The following CHID1 variants were observed in gnomAD, a reference collection of about 807,000 sequenced individuals.
CHID1 encodes the protein chitinase domain-containing protein 1.
CHID1 carries 44 observed loss-of-function variants against 55.4 expected under a neutral mutation model. That is an observed-to-expected ratio of 0.79 (90% CI 0.62 to 1.02). The LOEUF is 1.02. Among genes scored for constraint, CHID1 ranks in the 50% least tolerant of loss-of-function variants. The probability of loss-of-function intolerance (pLI) is 0.00; values close to 1 mark genes in which losing one functional copy is unlikely to be tolerated. For synonymous variants in CHID1, 216 were observed against 212.9 expected (o/e 1.01, Z -0.13); for missense variants, 491 against 515.3 (o/e 0.95, Z 0.46).
chr11:883,908 A>C (rs377524814), intron 9 of CHID1, among the ~76,000 whole-genome samples, 160 bp downstream of exon 9: 12 of 152,192 alleles, frequency 7.9e-5, no homozygotes, highest in Non-Finnish European at 1.8e-4. Context: ...GTGCAGTCCC[A>C]CTGGCTTCCC....
Position 875,591 on chromosome 11 carries a change from C to T in CHID1, c.960-5092G>A, listed in dbSNP as rs932632664. Among the ~76,000 whole-genome samples, 2 of 152,246 alleles carry T rather than the reference C, an allele frequency of 1.3e-5. No individual in the cohort carries two copies. Among genetic ancestry groups the T allele is most frequent in the South Asian group, 2.1e-4 (1 of 4,828 alleles). ...ACACGGTGAGCATGAGGCCGGGGAT[C>T]GGGGCTGGGGTTGCTGAAACTCTTA... On this transcript the variant is annotated intron_variant, in intron 10 of 12. Coordinates refer to ENST00000323578, the MANE Select transcript of CHID1 (RefSeq NM_023947.4). The surrounding 1 kb of genome is among the most constrained non-coding windows in gnomAD (Gnocchi z 4.7).
At position 902,289 on chromosome 11, in the gene CHID1, G is replaced by C; in HGVS notation, c.303C>G (p.Ser101Arg). The C allele has an allele frequency of 6.2e-7, 1 of 1,613,898 alleles. No homozygotes were observed. The highest frequency in any genetic ancestry group is 8.5e-7 in the Non-Finnish European group (1 of 1,179,880). The change falls in exon 4 of 13, where the codon AGC (serine) becomes AGG (arginine). Residue 101 changes from serine to arginine, a missense_variant. Transcript: ENST00000323578. ...HGYDVTKVFG[S>R]KFTQISPVWL... ...AGACGGGTGAGATCTGTGTGAACTT[G>C]CTCCCAAAGACCTTGGTGACATCGT...
At chr11:900,189 G>T in intron 5 of CHID1, 79 bp from the exon 6 acceptor site, 1 of 1,158,596 alleles carries the variant, frequency 8.6e-7, no homozygotes, top group Non-Finnish European at 1.3e-6. Context: ...CCTCAAAAAG[G>T]CATCCCCTTG....
At chr11:871,689 T>C (rs146449035) in intron 10 of CHID1, among the ~76,000 whole-genome samples, 15 of 152,182 alleles carry the variant, frequency 9.9e-5, no homozygotes, top group African/African-American at 3.6e-4. Flanking sequence ...CCGGGTGCCA[T>C]GTGGGAGGGG....
At chr11:905,256 C>A (rs1435032457) in intron 1 of CHID1, among the ~76,000 whole-genome samples, 1 of 152,264 alleles carries the variant, frequency 6.6e-6, no homozygotes, top group Admixed American at 6.5e-5. Flanking sequence ...AAGCCACAGG[C>A]TGGGCCACGT....
At chr11:891,688 C>T (rs1236708992) in intron 8 of CHID1, among the ~76,000 whole-genome samples, 1 of 152,188 alleles carries the variant, frequency 6.6e-6, no homozygotes, top group Non-Finnish European at 1.5e-5. Flanking sequence ...TCTGCTGCCC[C>T]GAGGAATCTT....
chr11:876,287 C>G (rs1193548245), intron 10 of CHID1, among the ~76,000 whole-genome samples: 1 of 152,122 alleles, frequency 6.6e-6, no homozygotes, highest in African/African-American at 2.4e-5. Context: ...GGCAGTGAGC[C>G]CTTGGGCTGG....
chr11:904,650 A>C, intron 2 of CHID1, 56 bp downstream of exon 2: 4 of 1,595,012 alleles, frequency 2.5e-6, no homozygotes, highest in South Asian at 2.2e-5. Context: ...AAAGAAGAGG[A>C]TGATGGATCA....
chr11:878,888 C>T (rs1301585040), intron 10 of CHID1, among the ~76,000 whole-genome samples: 3 of 151,940 alleles, frequency 2.0e-5, no homozygotes, highest in Non-Finnish European at 2.9e-5. Context: ...ACTCTGTCAC[C>T]CAGGCTGGAG....
chr11:891,328 C>T lies in CHID1; in HGVS notation c.701+2099G>A, dbSNP rs139950579. Among the ~76,000 whole-genome samples, 173 of 152,294 alleles carry T rather than the reference C, an allele frequency of 1.1e-3. 3 individuals are homozygous for T. The East Asian group carries it at 0.031, about 27-fold the overall frequency. On this transcript the variant is annotated intron_variant, in intron 8 of 12. Transcript: ENST00000323578. ...GCCTCGGCCCCGCCCCCAGCCTCGT[C>T]ACCGTGCCCGTAGCCCTGGCGTGCA... is the stretch of plus-strand genomic sequence containing the variant.
intron 1 of CHID1, among the ~76,000 whole-genome samples, chr11:905,953 G>C (rs991441503): frequency 6.6e-6 from 1 of 152,186 alleles, no homozygotes; most frequent in Admixed American, 6.5e-5. Flanking sequence ...CTTGACAACG[G>C]ATTTCTACCC....
At chr11:910,183 G>C (rs1852554989) in intron 1 of CHID1, among the ~76,000 whole-genome samples, 1 of 151,870 alleles carries the variant, frequency 6.6e-6, no homozygotes, top group African/African-American at 2.4e-5. Context: ...TCACCCTCCA[G>C]TTTGGACAGT....
intron 3 of CHID1, 123 bp from the exon 4 acceptor site, chr11:902,453 G>C (rs1483210874): frequency 2.2e-5 from 23 of 1,065,526 alleles, no homozygotes; most frequent in Non-Finnish European, 3.2e-5. Context: ...ATACCAGCCC[G>C]GACTGACATC....
intron 7 of CHID1, among the ~76,000 whole-genome samples, chr11:893,933 C>G (rs1371831976): frequency 6.6e-6 from 1 of 151,618 alleles, no homozygotes; most frequent in Non-Finnish European, 1.5e-5. Context: ...ATCGGCTTGG[C>G]CAACATGGCG....
intron 8 of CHID1, among the ~76,000 whole-genome samples, chr11:886,962 T>C (rs904341610): frequency 6.6e-6 from 1 of 152,234 alleles, no homozygotes. Flanking sequence ...ACGCATCCAC[T>C]GTGGCCTCTC....
intron 4 of CHID1, among the ~76,000 whole-genome samples, chr11:901,504 C>T (rs781507737): frequency 6.6e-6 from 1 of 152,218 alleles, no homozygotes; most frequent in Non-Finnish European, 1.5e-5. Flanking sequence ...CTCGGGCAGA[C>T]GTCATCAGGT....
chr11:910,004 A>T (rs1183760144), intron 1 of CHID1, among the ~76,000 whole-genome samples: 1 of 151,992 alleles, frequency 6.6e-6, no homozygotes, highest in Non-Finnish European at 1.5e-5. Flanking sequence ...GGTTGCAGTG[A>T]ACCGAGATCG....
intron 10 of CHID1, among the ~76,000 whole-genome samples, chr11:871,887 C>A (rs369946931): frequency 6.6e-6 from 1 of 152,210 alleles, no homozygotes; most frequent in Admixed American, 6.5e-5. Flanking sequence ...GGCTCCCAAA[C>A]GGGAAAGGCT....
At position 904,702 on chromosome 11, in the gene CHID1, T is replaced by C; in HGVS notation, c.111+4A>G. ...GTCACCTCAAGTCCCCAGGCCACCCTTACCTTCTCCAGCAGCGTCTTTGAG... is the reference window on the plus strand; with the variant it reads ...GTCACCTCAAGTCCCCAGGCCACCCCTACCTTCTCCAGCAGCGTCTTTGAG... On this transcript the variant is annotated splice_donor_region_variant and intron_variant, in intron 2 of 12. Coordinates refer to ENST00000323578, the MANE Select transcript of CHID1 (RefSeq NM_023947.4). 1.2e-6 allele frequency: 2 copies of C among 1,614,096 alleles called. No homozygotes were observed. The highest frequency in any genetic ancestry group is 3.3e-5 in the Admixed American group (2 of 60,028).
Sources: gnomAD v4.1 joint callset for allele counts (sites outside exome capture counted in the v4.1 genomes callset) on GRCh38, gnomAD v4.1.1 for gene constraint, Gnocchi (gnomAD v3.1) non-coding constraint, MANE v1.5 for transcripts, NCBI Gene and HGNC (gene_info 2026-07-23, HGNC 2026-07-21) for gene names.